Variants in SGCB observed in about 807,000 individuals in gnomAD.
SGCB encodes the protein beta-sarcoglycan.
Under a neutral mutation model 27.3 loss-of-function variants are expected in SGCB, and 25 were observed. That is an observed-to-expected ratio of 0.92 (90% CI 0.67 to 1.28). The LOEUF is 1.28. Ranked by LOEUF, SGCB falls within the 50% of genes most tolerant of loss-of-function variation. The probability of loss-of-function intolerance (pLI) is 0.00; values close to 1 mark genes in which losing one functional copy is unlikely to be tolerated. For synonymous variants in SGCB, 147 were observed against 133.5 expected, an observed-to-expected ratio of 1.10 and a Z score of -0.70; for missense variants, 436 against 402.1, an observed-to-expected ratio of 1.08 and a Z score of -0.72.
intron 2 of SGCB, chr4:52,031,988 A>C (rs1384885015): frequency 4.4e-6 from 2 of 455,714 alleles, no homozygotes; most frequent in South Asian, 3.1e-5. Flanking sequence ...AGGAAAAGAG[A>C]GCGTGGGAAA....
chr4:52,035,049 G>T (rs1207914937), intron 1 of SGCB, among the ~76,000 whole-genome samples: 2 of 152,174 alleles, frequency 1.3e-5, no homozygotes, highest in Non-Finnish European at 2.9e-5. Flanking sequence ...AGACCAAAAT[G>T]ATTTGAGAAC....
intron 2 of SGCB, chr4:52,032,067 G>A: frequency 2.4e-6 from 1 of 416,054 alleles, no homozygotes; most frequent in South Asian, 1.7e-5. Flanking sequence ...AGTATCCGCA[G>A]GCAGATAGAA....
At chr4:52,026,912 G>C (rs1737112754) in intron 5 of SGCB, among the ~76,000 whole-genome samples, 1 of 152,170 alleles carries the variant, frequency 6.6e-6, no homozygotes, top group African/African-American at 2.4e-5. Context: ...TTCTTCAACA[G>C]TGTTCTTAGA....
chr4:52,025,436 A>C (rs1005549660), intron 5 of SGCB, among the ~76,000 whole-genome samples: 1 of 152,136 alleles, frequency 6.6e-6, no homozygotes, highest in African/African-American at 2.4e-5. Flanking sequence ...CTCAAAGCAG[A>C]GGTAACAGTG....
rs572883699 is a variant in SGCB at position 52,024,943 on chromosome 4, C to A, written c.754-783G>T. ...GATTCAAACCATATAATTTGAAGACCAGGCACTCTAGTCTGGAGGTTCTTC... is the reference window on the plus strand; with the variant it reads ...GATTCAAACCATATAATTTGAAGACAAGGCACTCTAGTCTGGAGGTTCTTC... On this transcript the variant is annotated intron_variant, in intron 5 of 5. Coordinates refer to ENST00000381431, the MANE Select transcript of SGCB (RefSeq NM_000232.5). Among the ~76,000 whole-genome samples the A allele has an allele frequency of 3.3e-5, 5 of 151,640 alleles. No homozygotes were observed. The East Asian group carries it at 9.7e-4, about 29-fold the overall frequency.
Position 52,023,633 on chromosome 4 carries a change from CT to C in SGCB, c.*323del. On this transcript the variant is annotated 3_prime_UTR_variant, in exon 6 of 6. Coordinates refer to ENST00000381431, the MANE Select transcript of SGCB (RefSeq NM_000232.5). ...TTACCAAAGTTTACTTACAGTGAAT[CT>C]AAACAGCTGCTTCAGACCTTTAACC... 3.2e-6 allele frequency: 1 copy of C among 311,478 alleles called. No individual in the cohort carries two copies. The highest frequency in any genetic ancestry group is 6.2e-6 in the Non-Finnish European group (1 of 161,732). The allele number at this position is 311,478 out of a possible 1,614,324, so 19.3% of individuals were successfully genotyped here.
At chr4:52,034,460 A>G (rs1034420405) in intron 1 of SGCB, among the ~76,000 whole-genome samples, 1 of 149,556 alleles carries the variant, frequency 6.7e-6, no homozygotes, top group Non-Finnish European at 1.5e-5. Flanking sequence ...AACTGTTTAC[A>G]TAGTGTTTAC....
Position 52,023,939 on chromosome 4 carries a change from G to C in SGCB, c.*18C>G, listed in dbSNP as rs191486389. 60 of 1,603,642 alleles carry C rather than the reference G, an allele frequency of 3.7e-5. No individual in the cohort carries two copies. In the African/African-American group the frequency reaches 6.3e-4, roughly 17 times the overall value. Reference sequence around the variant, plus strand: ...GTCAAGTCAAGATATAAACATGTTGGTGACCTCTGGGGTTCTTTTAATGAG... The same window carrying C: ...GTCAAGTCAAGATATAAACATGTTGCTGACCTCTGGGGTTCTTTTAATGAG... On this transcript the variant is annotated 3_prime_UTR_variant, in exon 6 of 6. Coordinates refer to ENST00000381431, the MANE Select transcript of SGCB (RefSeq NM_000232.5).
chr4:52,035,561 G>A (rs541142084), intron 1 of SGCB, among the ~76,000 whole-genome samples: 3 of 152,126 alleles, frequency 2.0e-5, no homozygotes, highest in Non-Finnish European at 2.9e-5. Flanking sequence ...ATTTAATTGG[G>A]AGTCACTGGA....
intron 2 of SGCB, among the ~76,000 whole-genome samples, chr4:52,031,392 CTGTGTGTGTGTGTATG>C (rs1322500827): frequency 1.6e-4 from 22 of 140,246 alleles, no homozygotes; most frequent in African/African-American, 6.4e-4. Context: ...CCATTCATCT[CTGTGTGTGTGTGTATG>C]TGTGTGTGTG....
chr4:52,031,449 T>TGC (rs1553940486), intron 2 of SGCB, among the ~76,000 whole-genome samples: 44 of 144,614 alleles, frequency 3.0e-4, no homozygotes, highest in African/African-American at 1.0e-3. Context: ...TGTGTGTGTG[T>TGC]GCACGCGCAT....
At chr4:52,030,812 T>G (rs1056951019) in intron 2 of SGCB, among the ~76,000 whole-genome samples, 1 of 152,218 alleles carries the variant, frequency 6.6e-6, no homozygotes, top group African/African-American at 2.4e-5. Context: ...GAGCACATCC[T>G]CCAGTGGCTT....
At chr4:52,035,457 G>C (rs1737360891) in intron 1 of SGCB, among the ~76,000 whole-genome samples, 2 of 152,204 alleles carry the variant, frequency 1.3e-5, no homozygotes, top group African/African-American at 2.4e-5. Context: ...AGATGGGTCA[G>C]ATATGGCAAG....
At chr4:52,033,787 G>A (rs982374256) in intron 1 of SGCB, 147 bp from the exon 2 acceptor site, 11 of 711,378 alleles carry the variant, frequency 1.5e-5, no homozygotes, top group Non-Finnish European at 2.8e-5. Context: ...TTGAGTTGCA[G>A]TTCCAAATAA....
intron 5 of SGCB, among the ~76,000 whole-genome samples, chr4:52,026,479 G>A (rs1288075422): frequency 1.3e-5 from 2 of 151,836 alleles, no homozygotes; most frequent in Non-Finnish European, 2.9e-5. Context: ...GGCTGGTCTC[G>A]AATTCCTGAC....
chr4:52,032,382 T>C (rs1737271482), intron 2 of SGCB, among the ~76,000 whole-genome samples: 1 of 152,202 alleles, frequency 6.6e-6, no homozygotes, highest in African/African-American at 2.4e-5. Context: ...TGTGTCTTCA[T>C]TTATTATGAT....
chr4:52,038,129 C>T lies in SGCB; in HGVS notation c.33+98G>A, dbSNP rs938504174. On this transcript the variant is annotated intron_variant, in intron 1 of 5. Transcript: ENST00000381431. Reference sequence around the variant, plus strand: ...CGCCGAACCCAGACCCTGCGGCCCGCGCCCCCCGCACCCCCGGCCAGGGCT... The same window carrying T: ...CGCCGAACCCAGACCCTGCGGCCCGTGCCCCCCGCACCCCCGGCCAGGGCT... 7 of 1,087,742 alleles carry T rather than the reference C, an allele frequency of 6.4e-6. No individual in the cohort carries two copies. The Admixed American group carries it at 2.0e-4, about 31-fold the overall frequency. 67.4% of individuals were successfully genotyped at this position (1,087,742 alleles called of 1,614,324 possible). A position where few individuals can be genotyped will look rare whatever the true frequency, so the allele number is the denominator to read the frequency against.
At chr4:52,024,393 T>C (rs1737032719) in intron 5 of SGCB, among the ~76,000 whole-genome samples, 1 of 152,194 alleles carries the variant, frequency 6.6e-6, no homozygotes, top group African/African-American at 2.4e-5. Context: ...ATAATTCCTC[T>C]ATTGTTAGTT....
In SGCB at chr4:52,029,830, C is replaced by T. The variant is rs770815543; in HGVS notation, c.277G>A (p.Gly93Arg). 1 of 1,613,788 alleles carries T rather than the reference C, an allele frequency of 6.2e-7. No individual in the cohort carries two copies. Among genetic ancestry groups the T allele is most frequent in the South Asian group, 1.1e-5 (1 of 91,066 alleles). ...TLVIWAVIRIGPNGCDSMEFH... is the reference protein window; with the variant it reads ...TLVIWAVIRIRPNGCDSMEFH... ...TCCATACTATCACAGCCATTTGGTC[C>T]AATGCGAATCACGGCCCAAATAACA... The change falls in exon 3 of 6, where the codon GGA (glycine) becomes AGA (arginine). Residue 93 changes from glycine (G) to arginine (R), a missense_variant. Gly to Arg is a moderately radical substitution (Grantham distance 125). Coordinates refer to ENST00000381431, the MANE Select transcript of SGCB (RefSeq NM_000232.5).
Sources: gnomAD v4.1 joint callset for allele counts (sites outside exome capture counted in the v4.1 genomes callset) on GRCh38, gnomAD v4.1.1 for gene constraint, MANE v1.5 for transcripts, NCBI Gene and HGNC (gene_info 2026-07-23, HGNC 2026-07-21) for gene names.